The following DNAH5 variants were observed in gnomAD, a reference collection of about 807,000 sequenced individuals.
The protein encoded by DNAH5 is dynein axonemal heavy chain 5.
DNAH5 carries 372 observed loss-of-function variants against 518.2 expected under a neutral mutation model. The ratio of observed to expected loss-of-function variants is 0.72; its 90% CI spans 0.66 to 0.78. The LOEUF is 0.78. Among genes scored for constraint, DNAH5 ranks in the 30% least tolerant of loss-of-function variants. DNAH5 has a pLI of 0.00. For synonymous variants in DNAH5, 2,039 were observed against 2,025.9 expected (o/e 1.01, Z -0.17); for missense variants, 5,523 against 5,687.0 (o/e 0.97, Z 0.93).
At chr5:13,923,594 G>A (rs745334274) in intron 3 of DNAH5, among the ~76,000 whole-genome samples, 154 bp from the exon 4 acceptor site, 6 of 152,150 alleles carry the variant, frequency 3.9e-5, no homozygotes, top group Non-Finnish European at 5.9e-5. Context: ...AGCATGAGCC[G>A]TACAGGGATC....
At chr5:13,784,949 C>A (rs748294599) in intron 52 of DNAH5, among the ~76,000 whole-genome samples, 5 of 152,112 alleles carry the variant, frequency 3.3e-5, no homozygotes, top group Non-Finnish European at 7.4e-5. Context: ...CACCAGGGAC[C>A]AGTATTGTGG....
At chr5:13,699,628 C>A (rs1741820527) in intron 78 of DNAH5, among the ~76,000 whole-genome samples, 4 of 152,162 alleles carry the variant, frequency 2.6e-5, no homozygotes, top group Admixed American at 2.6e-4. Context: ...GCAGGAGAAT[C>A]GCTTGAACTC....
intron 52 of DNAH5, among the ~76,000 whole-genome samples, chr5:13,782,126 G>A (rs1561245059): frequency 6.6e-6 from 1 of 152,072 alleles, no homozygotes; most frequent in African/African-American, 2.4e-5. Context: ...ACTGCATTTT[G>A]AGCCTAGGGG....
At chr5:13,933,854 G>A (rs1391648211) in intron 1 of DNAH5, among the ~76,000 whole-genome samples, 7 of 150,764 alleles carry the variant, frequency 4.6e-5, no homozygotes, top group Non-Finnish European at 8.8e-5. Flanking sequence ...CCAAGAAACC[G>A]TAGTAGCAAT....
intron 38 of DNAH5, among the ~76,000 whole-genome samples, chr5:13,825,320 C>T (rs1418006577): frequency 6.7e-6 from 1 of 149,834 alleles, no homozygotes; most frequent in African/African-American, 2.4e-5. Flanking sequence ...CCAGCCTGGG[C>T]AACAGAGCAA....
chr5:13,817,480 T>C (rs1227470632), intron 42 of DNAH5, 68 bp downstream of exon 42: 2 of 1,501,650 alleles, frequency 1.3e-6, no homozygotes, highest in African/African-American at 1.4e-5. Context: ...TTCTACTAAT[T>C]CTGTATAGCC....
chr5:13,748,487 G>A (rs549780445), intron 65 of DNAH5, among the ~76,000 whole-genome samples: 17 of 152,146 alleles, frequency 1.1e-4, no homozygotes, highest in South Asian at 4.2e-4. Context: ...CCATTTTCAC[G>A]ATATTGATTC....
chr5:13,955,715 A>G lies in DNAH5; in HGVS notation c.13-24471T>C, dbSNP rs7731624. 6.4e-3 allele frequency among the ~76,000 whole-genome samples: 977 copies of G among 152,298 alleles called. 11 individuals carry two copies. The highest frequency in any genetic ancestry group is 0.023 in the African/African-American group (942 of 41,564). Reference sequence around the variant, plus strand: ...ATTTGGGAATTACTTTTTTCTCTTTAAGAAAAAAAAGAAAATTAATAAAAT... The same window carrying G: ...ATTTGGGAATTACTTTTTTCTCTTTGAGAAAAAAAAGAAAATTAATAAAAT... On this transcript the variant is annotated intron_variant, in intron 1 of 78. Transcript: ENST00000681290.
chr5:13,851,164 A>G (rs1766784206), intron 30 of DNAH5, among the ~76,000 whole-genome samples: 1 of 152,224 alleles, frequency 6.6e-6, no homozygotes, highest in Non-Finnish European at 1.5e-5. Context: ...TCCTATTTTT[A>G]TATTTTCTCT....
At position 13,920,499 on chromosome 5, in the gene DNAH5, C is replaced by T; in HGVS notation, c.779G>A (p.Trp260Ter). The stretch of plus-strand genomic sequence containing the variant: ...AATTACCTGTTCTGTCTGTTTGATC[C>T]ATACTTTCATGCAATCCTCTATTTT... ...LGKIEDCMKV[W>*]IKQTEQVLAE... The change falls in exon 6 of 79, where the codon TGG becomes TAG. Residue 260 changes from tryptophan (W) to a stop codon, truncating the protein, a stop_gained. Transcript: ENST00000265104. LOFTEE classifies it high-confidence loss of function. 6.2e-7 allele frequency: 1 copy of T among 1,614,140 alleles called. No individual in the cohort carries two copies. Among genetic ancestry groups the T allele is most frequent in the Non-Finnish European group, 8.5e-7 (1 of 1,180,012 alleles).
intron 30 of DNAH5, among the ~76,000 whole-genome samples, chr5:13,858,893 C>A (rs1213361871): frequency 1.3e-5 from 2 of 152,238 alleles, no homozygotes; most frequent in Admixed American, 1.3e-4. Context: ...TTAAAATGTT[C>A]ATTTAAAAAT....
Position 13,721,256 on chromosome 5 carries a change from CA to C in DNAH5, c.12034-12del, listed in dbSNP as rs750145296. 1.2e-6 allele frequency: 2 copies of C among 1,614,044 alleles called. No individual in the cohort carries two copies. Among genetic ancestry groups the C allele is most frequent in the South Asian group, 1.1e-5 (1 of 91,064 alleles). On this transcript the variant is annotated splice_polypyrimidine_tract_variant and intron_variant, in intron 70 of 78. Transcript: ENST00000265104. ...GATGTACTTGCGGGCCTGCCAAAAA[CA>C]GTATACAAGTCAGTAAAAGTCATTC...
intron 46 of DNAH5, among the ~76,000 whole-genome samples, chr5:13,808,134 G>A (rs1191765120): frequency 6.6e-6 from 1 of 150,536 alleles, no homozygotes; most frequent in Admixed American, 6.7e-5. Context: ...GGAGGCTGAG[G>A]CAGGAGAATT....
Position 13,776,581 on chromosome 5 carries a change from C to A in DNAH5, c.9231G>T (p.Arg3077=). The change falls in exon 55 of 79, where the codon CGG becomes CGT. Residue 3077 remains arginine, a synonymous_variant. Coordinates refer to ENST00000265104, the MANE Select transcript of DNAH5 (RefSeq NM_001369.3). The part of the protein sequence containing the change: ...NENLHDYFMS[R]VRQNLHIVLC... ...GCACAATATGAAGGTTCTGTCGGAC[C>A]CGACTCATGAAGTAGTCGTGCAGGT... is the stretch of plus-strand genomic sequence containing the variant. 1 of 1,613,864 alleles carries A rather than the reference C, an allele frequency of 6.2e-7. No homozygotes were observed. The highest frequency in any genetic ancestry group is 8.5e-7 in the Non-Finnish European group (1 of 1,179,858).
At position 13,701,433 on chromosome 5, in the gene DNAH5, A is replaced by C. The variant is rs769245002; in HGVS notation, c.13342T>G (p.Ser4448Ala). The C allele has an allele frequency of 1.2e-6, 2 of 1,609,858 alleles. No individual in the cohort carries two copies. The highest frequency in any genetic ancestry group is 1.7e-6 in the Non-Finnish European group (2 of 1,175,994). The change falls in exon 77 of 79, where the codon TCT becomes GCT. Residue 4448 changes from serine (S) to alanine (A), a missense_variant. Around this residue, in one of 3 missense-constraint regions of DNAH5, gnomAD observed 387 missense variants for 430.0 expected, o/e 0.90. Coordinates refer to ENST00000265104, the MANE Select transcript of DNAH5 (RefSeq NM_001369.3). ...AAACCCAGTGTACTAGAAATCCAAG[A>C]AGCCTGCAATGAAGACATTAAAACA... ...ARIPAWWKKA[S>A]WISSTLGFWF...
intron 55 of DNAH5, among the ~76,000 whole-genome samples, chr5:13,772,846 C>T (rs150427011): frequency 1.3e-3 from 194 of 152,230 alleles, no homozygotes; most frequent in African/African-American, 4.2e-3. Flanking sequence ...ATATTTCTTT[C>T]TAGATGCAGC....
intron 39 of DNAH5, among the ~76,000 whole-genome samples, chr5:13,823,990 T>C (rs970995520): frequency 1.3e-5 from 2 of 152,208 alleles, no homozygotes; most frequent in African/African-American, 4.8e-5. Flanking sequence ...TGCAATTCTA[T>C]TGGAATAGGC....
chr5:13,960,671 C>A (rs914075783), intron 1 of DNAH5, among the ~76,000 whole-genome samples: 4 of 152,190 alleles, frequency 2.6e-5, no homozygotes, highest in African/African-American at 9.6e-5. Context: ...TCTCTTCTTA[C>A]GTCAGCATAG....
chr5:14,008,349 C>T (rs547045042), intron 1 of DNAH5, among the ~76,000 whole-genome samples: 4 of 116,198 alleles, frequency 3.4e-5, no homozygotes, highest in East Asian at 7.9e-4. Flanking sequence ...TGGCCAGGTG[C>T]GGTGGCTCAT....
Sources: gnomAD v4.1 joint callset for allele counts (sites outside exome capture counted in the v4.1 genomes callset) on GRCh38, gnomAD v4.1.1 for gene constraint, gnomAD v4.1.1 regional missense constraint, MANE v1.5 for transcripts, NCBI Gene and HGNC (gene_info 2026-07-23, HGNC 2026-07-21) for gene names.